The following APP variants were observed in gnomAD, a reference collection of about 807,000 sequenced individuals.
APP encodes amyloid beta precursor protein.
Under a neutral mutation model 101.4 loss-of-function variants are expected in APP, and 31 were observed. The ratio of observed to expected loss-of-function variants is 0.31; its 90% CI spans 0.23 to 0.41. The LOEUF (loss-of-function observed/expected upper bound fraction) is 0.41, where lower values mean the gene tolerates loss of function less well. Ranked by LOEUF, APP falls within the 10% of genes least tolerant of loss-of-function variation. The pLI, the probability that APP is intolerant of heterozygous loss-of-function variation, is 1.00. For missense variants in APP, 839 were observed against 1,003.7 expected (o/e 0.84, Z 2.22); for synonymous variants, 366 against 364.4 (o/e 1.00, Z -0.05).
chr21:25,940,409 T>C (rs1258385523), intron 13 of APP, among the ~76,000 whole-genome samples: 1 of 152,182 alleles, frequency 6.6e-6, no homozygotes, highest in Non-Finnish European at 1.5e-5. Flanking sequence ...GTTTCACCCA[T>C]ATACTTAGCA....
chr21:26,083,229 A>C (rs1250690197), intron 3 of APP, among the ~76,000 whole-genome samples: 1 of 152,240 alleles, frequency 6.6e-6, no homozygotes, highest in Non-Finnish European at 1.5e-5. Flanking sequence ...TTTATCTACC[A>C]GGATGTTTAT....
At chr21:26,046,651 A>G (rs547989440) in intron 5 of APP, among the ~76,000 whole-genome samples, 44 of 152,336 alleles carry the variant, frequency 2.9e-4, no homozygotes, top group Non-Finnish European at 5.7e-4. Flanking sequence ...TACATCGATA[A>G]TTAAAGATTG....
rs1238434855 is a variant in APP at position 26,130,263 on chromosome 21, G to T, written c.58-18117C>A. Among the ~76,000 whole-genome samples the T allele has an allele frequency of 3.9e-5, 6 of 152,314 alleles. No individual in the cohort carries two copies. The East Asian group carries it at 1.2e-3, about 29-fold the overall frequency. On this transcript the variant is annotated intron_variant, in intron 1 of 17. Coordinates refer to ENST00000346798, the MANE Select transcript of APP (RefSeq NM_000484.4). ...CTTTTTTAAAAATTGCTGTAATGAG[G>T]CTCTCACAGTTATTCACGTTTTATT... is the stretch of plus-strand genomic sequence containing the variant.
At chr21:26,077,695 C>T (rs190919080) in intron 3 of APP, among the ~76,000 whole-genome samples, 12 of 150,936 alleles carry the variant, frequency 8.0e-5, no homozygotes, top group African/African-American at 1.7e-4. Context: ...GCTCTCCAGA[C>T]GGTTGCACAG....
intron 1 of APP, among the ~76,000 whole-genome samples, chr21:26,148,612 C>T (rs987746946): frequency 1.3e-5 from 2 of 152,194 alleles, no homozygotes; most frequent in Non-Finnish European, 2.9e-5. Flanking sequence ...AAATGTGAAA[C>T]GAAGCAGTGT....
intron 1 of APP, among the ~76,000 whole-genome samples, chr21:26,129,848 C>G (rs1461369743): frequency 6.6e-6 from 1 of 152,172 alleles, no homozygotes; most frequent in East Asian, 1.9e-4. Context: ...CCCATTTTCA[C>G]ACAAGTGAAA....
At chr21:25,895,635 AACAT>A (rs1187711043) in intron 16 of APP, among the ~76,000 whole-genome samples, 1 of 152,228 alleles carries the variant, frequency 6.6e-6, no homozygotes, top group Non-Finnish European at 1.5e-5. Flanking sequence ...AGCTGAAACT[AACAT>A]ACTAGCAATC....
chr21:26,102,431 C>A (rs2062083010), intron 2 of APP, among the ~76,000 whole-genome samples: 1 of 152,074 alleles, frequency 6.6e-6, no homozygotes, highest in South Asian at 2.1e-4. Context: ...CCCAAAGAAA[C>A]AGGACAATAA....
chr21:26,079,799 C>G (rs1223362893), intron 3 of APP, among the ~76,000 whole-genome samples: 3 of 152,128 alleles, frequency 2.0e-5, no homozygotes, highest in Admixed American at 1.3e-4. Context: ...GTCTGTTTCT[C>G]CCTATATACA....
chr21:26,131,533 G>C (rs1028741051), intron 1 of APP, among the ~76,000 whole-genome samples: 8 of 152,096 alleles, frequency 5.3e-5, no homozygotes, highest in African/African-American at 1.9e-4. Flanking sequence ...GTGTAATGGA[G>C]GCATGCTTAA....
chr21:26,111,363 A>G (rs2062318050), intron 2 of APP, among the ~76,000 whole-genome samples: 1 of 152,224 alleles, frequency 6.6e-6, no homozygotes, highest in Non-Finnish European at 1.5e-5. Context: ...TCAAGCTGGT[A>G]ACAGAAAAAA....
chr21:25,979,112 T>C lies in APP; in HGVS notation c.1225-3084A>G, dbSNP rs1416377660. Among the ~76,000 whole-genome samples the C allele has an allele frequency of 5.9e-5, 9 of 152,160 alleles. No homozygotes were observed. In the East Asian group the frequency reaches 1.4e-3, roughly 23 times the overall value. On this transcript the variant is annotated intron_variant, in intron 9 of 17. Transcript: ENST00000346798. ...TTGACTAGATGCTAGTCACGACATA[T>C]AGCAACAAAAATCTACAGGTTTAGC... is the stretch of plus-strand genomic sequence containing the variant.
intron 1 of APP, among the ~76,000 whole-genome samples, chr21:26,159,605 A>G (rs1189858192): frequency 6.6e-6 from 1 of 152,236 alleles, no homozygotes; most frequent in Non-Finnish European, 1.5e-5. Context: ...TGAGCAAACG[A>G]GCAATGAAGT....
chr21:25,902,104 G>GT (rs917465568), intron 15 of APP, among the ~76,000 whole-genome samples: 6 of 151,980 alleles, frequency 3.9e-5, no homozygotes, highest in Admixed American at 1.3e-4. Flanking sequence ...ACCATATTCT[G>GT]TTTTTTTAGA....
Position 25,887,041 on chromosome 21 carries a change from C to T in APP, c.2211+4681G>A, listed in dbSNP as rs868710892. On this transcript the variant is annotated intron_variant, in intron 17 of 17. Coordinates refer to ENST00000346798, the MANE Select transcript of APP (RefSeq NM_000484.4). ...TAATGAGATAACCAGGAGGTGGGGGCGGGGAGACTTCTGGTGTTCAAGTGA... is the reference window on the plus strand; with the variant it reads ...TAATGAGATAACCAGGAGGTGGGGGTGGGGAGACTTCTGGTGTTCAAGTGA... 5.4e-5 allele frequency among the ~76,000 whole-genome samples: 8 copies of T among 149,282 alleles called. No individual in the cohort carries two copies. In the Middle Eastern group the frequency reaches 0.01, roughly 193 times the overall value.
intron 14 of APP, among the ~76,000 whole-genome samples, chr21:25,910,139 T>A (rs986512703): frequency 1.4e-4 from 22 of 152,248 alleles, no homozygotes; most frequent in African/African-American, 4.8e-4. Flanking sequence ...TTATTTATTT[T>A]TTTTAAATTT....
chr21:26,044,405 T>C (rs900297459), intron 5 of APP, among the ~76,000 whole-genome samples: 9 of 152,218 alleles, frequency 5.9e-5, no homozygotes, highest in Admixed American at 6.5e-5. Flanking sequence ...AGGAGGCATT[T>C]TACCAATTAG....
At chr21:26,080,878 C>T (rs188417174) in intron 3 of APP, among the ~76,000 whole-genome samples, 9 of 151,950 alleles carry the variant, frequency 5.9e-5, no homozygotes, top group East Asian at 1.9e-4. Context: ...TGGTGTTTAC[C>T]GCTACTGAGT....
At chr21:25,946,403 C>T (rs964592253) in intron 13 of APP, among the ~76,000 whole-genome samples, 9 of 152,174 alleles carry the variant, frequency 5.9e-5, no homozygotes, top group East Asian at 3.8e-4. Flanking sequence ...CAGTGGCTCA[C>T]GCCTGTAATC....
Sources: gnomAD v4.1 joint callset for allele counts (sites outside exome capture counted in the v4.1 genomes callset) on GRCh38, gnomAD v4.1.1 for gene constraint, MANE v1.5 for transcripts, NCBI Gene and HGNC (gene_info 2026-07-23, HGNC 2026-07-21) for gene names.